Variants in FGD5 observed in about 807,000 individuals in gnomAD.
The protein encoded by FGD5 is FYVE, RhoGEF and PH domain containing 5.
In FGD5, 28 loss-of-function variants were observed where a neutral mutation model predicts 133.4. The observed-to-expected ratio is 0.21, with a 90% CI of 0.16 to 0.29. The LOEUF is 0.29. Among genes scored for constraint, FGD5 ranks in the 10% least tolerant of loss-of-function variants. FGD5 has a pLI of 1.00. For missense variants in FGD5, 1,858 were observed against 1,895.2 expected, an observed-to-expected ratio of 0.98 and a Z score of 0.36; for synonymous variants, 810 against 776.5, an observed-to-expected ratio of 1.04 and a Z score of -0.72.
intron 18 of FGD5, among the ~76,000 whole-genome samples, chr3:14,929,040 A>T (rs1347351971): frequency 6.6e-6 from 1 of 152,198 alleles, no homozygotes; most frequent in African/African-American, 2.4e-5. Context: ...CTGTCCCCAG[A>T]GGCAACACCC....
chr3:14,907,824 A>G (rs1369852826), intron 10 of FGD5, 113 bp downstream of exon 10: 2 of 1,077,312 alleles, frequency 1.9e-6, no homozygotes, highest in African/African-American at 1.6e-5. Flanking sequence ...CTGTCTACCC[A>G]TGGAGGGCAG....
At chr3:14,916,029 C>A (rs2038547206) in intron 11 of FGD5, among the ~76,000 whole-genome samples, 1 of 151,856 alleles carries the variant, frequency 6.6e-6, no homozygotes, top group Non-Finnish European at 1.5e-5. Flanking sequence ...CATAGGGCTC[C>A]CCCTGGTTGA....
At chr3:14,878,560 C>G (rs1429419873) in intron 2 of FGD5, among the ~76,000 whole-genome samples, 4 of 152,144 alleles carry the variant, frequency 2.6e-5, no homozygotes, top group African/African-American at 7.2e-5. Context: ...GTGAGAGATT[C>G]TCTATATAGA....
chr3:14,823,103 G>A (rs757532448), intron 1 of FGD5, among the ~76,000 whole-genome samples: 8 of 152,214 alleles, frequency 5.3e-5, no homozygotes, highest in Non-Finnish European at 8.8e-5. Context: ...ATGTGGACTC[G>A]TGCGAGCTGC....
chr3:14,852,827 C>T (rs934693514), intron 1 of FGD5, among the ~76,000 whole-genome samples: 11 of 152,170 alleles, frequency 7.2e-5, no homozygotes, highest in East Asian at 3.8e-4. Flanking sequence ...CTCCGAGAGG[C>T]GTGAAAGGGA....
At chr3:14,864,971 G>A (rs77600179) in intron 2 of FGD5, among the ~76,000 whole-genome samples, 1 of 152,152 alleles carries the variant, frequency 6.6e-6, no homozygotes, top group African/African-American at 2.4e-5. Context: ...GCAGAAATGG[G>A]CAGAGGTGAA....
intron 7 of FGD5, among the ~76,000 whole-genome samples, chr3:14,899,808 C>G (rs2038203483): frequency 6.6e-6 from 1 of 152,164 alleles, no homozygotes; most frequent in Non-Finnish European, 1.5e-5. Flanking sequence ...GCTGTGTTAG[C>G]GATCAGGGAA....
chr3:14,820,025 T>C lies in FGD5; in HGVS notation c.954T>C (p.Asp318=), dbSNP rs756755674. The C allele has an allele frequency of 2.5e-6, 4 of 1,613,874 alleles. No individual in the cohort carries two copies. The East Asian group carries it at 8.9e-5, about 36-fold the overall frequency. The change falls in exon 1 of 20, where the codon GAT becomes GAC. Residue 318 remains aspartate, a synonymous_variant. Transcript: ENST00000285046. ...AAATLEDHAQ[D]ESAEESCQIV... ...CCACCCTGGAGGACCATGCACAGGA[T>C]GAGTCCGCCGAGGAGAGCTGCCAGA... is the stretch of plus-strand genomic sequence containing the variant.
intron 1 of FGD5, among the ~76,000 whole-genome samples, chr3:14,857,071 G>A (rs944034755): frequency 2.0e-5 from 3 of 151,808 alleles, no homozygotes; most frequent in Non-Finnish European, 4.4e-5. Context: ...TTTATTGAGA[G>A]TTTTTATCAC....
chr3:14,839,933 A>AAAACAAAC (rs71038439), intron 1 of FGD5, among the ~76,000 whole-genome samples: 5,084 of 149,632 alleles, frequency 0.034, 106 homozygotes, highest in Middle Eastern at 0.059. Context: ...ACTGTCTCAA[A>AAAACAAAC]AAACAAACAA....
intron 1 of FGD5, among the ~76,000 whole-genome samples, chr3:14,833,840 C>T (rs1030524074): frequency 6.6e-6 from 1 of 152,198 alleles, no homozygotes; most frequent in African/African-American, 2.4e-5. Flanking sequence ...CGACAAGCAG[C>T]CTCAGAAGGC....
rs60913425 is a variant in FGD5 at position 14,922,972 on chromosome 3, G to A, written c.3808-74G>A. 0.075 allele frequency: 119,579 copies of A among 1,599,188 alleles called. 5,343 individuals are homozygous for A. The highest frequency in any genetic ancestry group is 0.18 in the African/African-American group (13,113 of 74,728). ...GCAGTTGTGGGTGGATTAGCAGAGG[G>A]AGCGGAGGGGAGGGGTGCAGGTCTC... is the stretch of plus-strand genomic sequence containing the variant. On this transcript the variant is annotated intron_variant, in intron 15 of 19. Coordinates refer to ENST00000285046, the MANE Select transcript of FGD5 (RefSeq NM_152536.4). The surrounding 1 kb of genome is among the most constrained non-coding windows in gnomAD (Gnocchi z 4.1).
At chr3:14,914,389 T>G (rs2038512393) in intron 11 of FGD5, among the ~76,000 whole-genome samples, 1 of 152,138 alleles carries the variant, frequency 6.6e-6, no homozygotes, top group South Asian at 2.1e-4. Context: ...CCCCTACCCA[T>G]TCATGATGGG....
chr3:14,898,196 G>T (rs1046794935), intron 6 of FGD5, 101 bp downstream of exon 6: 2 of 1,489,374 alleles, frequency 1.3e-6, no homozygotes, highest in South Asian at 2.4e-5. Flanking sequence ...TAGGTGTGGG[G>T]CTGGGGAGCA....
In FGD5 at chr3:14,895,519, G is replaced by T. The variant is rs117457960; in HGVS notation, c.2749-1990G>T. ...TGTCAAAGATGAGTTGGCTGTGATT[G>T]TGTGGATTTATATCTGGGTTTACAG... is the stretch of plus-strand genomic sequence containing the variant. On this transcript the variant is annotated intron_variant, in intron 4 of 19. Transcript: ENST00000285046. Among the ~76,000 whole-genome samples the T allele has an allele frequency of 2.7e-4, 41 of 152,292 alleles. 1 individual carries two copies. The East Asian group carries it at 7.7e-3, about 29-fold the overall frequency.
At position 14,880,847 on chromosome 3, in the gene FGD5, T is replaced by TG. The variant is rs898765815; in HGVS notation, c.2748+76dup. 9 of 1,559,448 alleles carry TG rather than the reference T, an allele frequency of 5.8e-6. No individual in the cohort carries two copies. In the African/African-American group the frequency reaches 8.1e-5, roughly 14 times the overall value. ...TGTGATATAAGAGGCAGGAAAGCAA[T>TG]GTGGAGACAGAGGTGATTTCCATTA... is the stretch of plus-strand genomic sequence containing the variant. On this transcript the variant is annotated intron_variant, in intron 4 of 19. Transcript: ENST00000285046.
chr3:14,931,444 C>T (rs973873596), intron 18 of FGD5: 2 of 152,182 alleles, frequency 1.3e-5, no homozygotes, highest in Non-Finnish European at 2.9e-5. Flanking sequence ...CTGCCTTGGC[C>T]TTGAGTGTAG....
At chr3:14,837,091 G>A (rs1194085747) in intron 1 of FGD5, among the ~76,000 whole-genome samples, 2 of 152,194 alleles carry the variant, frequency 1.3e-5, no homozygotes, top group African/African-American at 4.8e-5. Flanking sequence ...CAAGCCCCAA[G>A]CTTGAGGGTG....
intron 4 of FGD5, among the ~76,000 whole-genome samples, chr3:14,891,969 CT>C (rs2038036966): frequency 6.6e-6 from 1 of 151,610 alleles, no homozygotes; most frequent in African/African-American, 2.4e-5. Context: ...TACCTGTTCA[CT>C]GGATCTGTTT....
Sources: allele counts gnomAD v4.1 joint callset (sites outside exome capture counted in the v4.1 genomes callset), GRCh38; gene constraint gnomAD v4.1.1; non-coding constraint Gnocchi (gnomAD v3.1); transcripts MANE v1.5; gene names NCBI Gene and HGNC (gene_info 2026-07-23, HGNC 2026-07-21).